Variants in GPC3 observed in about 807,000 individuals in gnomAD.
The protein encoded by GPC3 is glypican 3.
In GPC3, 3 loss-of-function variants were observed where a neutral mutation model predicts 34.4. The observed-to-expected ratio is 0.09, with a 90% CI of 0.04 to 0.23. The LOEUF is 0.23. Among genes scored for constraint, GPC3 ranks in the 10% least tolerant of loss-of-function variants. The pLI is 1.00. For synonymous variants in GPC3, 177 were observed against 174.0 expected, an observed-to-expected ratio of 1.02 and a Z score of -0.13; for missense variants, 351 against 445.6, an observed-to-expected ratio of 0.79 and a Z score of 1.91.
intron 4 of GPC3, among the ~76,000 whole-genome samples, chrX:133,698,927 A>G (rs551626981): frequency 8.9e-6 from 1 of 112,158 alleles, no homozygotes; most frequent in African/African-American, 3.2e-5. Context: ...CAGAGAATTC[A>G]CAAAGAAAGG....
intron 1 of GPC3, among the ~76,000 whole-genome samples, chrX:133,954,504 T>C (rs1393697699): frequency 1.8e-5 from 2 of 109,297 alleles, no homozygotes; most frequent in Non-Finnish European, 3.8e-5. Context: ...TTTTAATTTT[T>C]AAAAAGTAAA....
intron 2 of GPC3, chrX:133,762,823 A>G (rs2071808570): frequency 3.9e-6 from 2 of 514,782 alleles, no homozygotes; most frequent in Admixed American, 4.7e-5. Context: ...TGTCCTGCAA[A>G]TGAAATAGAA....
intron 6 of GPC3, among the ~76,000 whole-genome samples, chrX:133,638,986 T>C (rs1366856689): frequency 1.8e-5 from 2 of 111,560 alleles, no homozygotes; most frequent in Non-Finnish European, 3.8e-5. Context: ...GTCTAGACTT[T>C]TCCCTCAGGC....
At chrX:133,588,536 C>T (rs189627328) in intron 7 of GPC3, among the ~76,000 whole-genome samples, 61 of 110,860 alleles carry the variant, frequency 5.5e-4, no homozygotes, top group Admixed American at 1.9e-3. Flanking sequence ...TTTCCAATGA[C>T]CCTTTTCACC....
chrX:133,923,825 G>C (rs972929106), intron 2 of GPC3, among the ~76,000 whole-genome samples: 2 of 112,390 alleles, frequency 1.8e-5, no homozygotes, highest in African/African-American at 6.5e-5. Flanking sequence ...TATGAAAAAG[G>C]AACAGTCAAA....
At chrX:133,916,918 T>C (rs747763153) in intron 2 of GPC3, among the ~76,000 whole-genome samples, 1 of 110,975 alleles carries the variant, frequency 9.0e-6, no homozygotes, top group African/African-American at 3.3e-5. Flanking sequence ...ATAACCCCAA[T>C]GGAGCCAAAA....
At chrX:133,825,276 G>A (rs923628998) in intron 2 of GPC3, among the ~76,000 whole-genome samples, 1 of 112,104 alleles carries the variant, frequency 8.9e-6, no homozygotes, top group Admixed American at 9.5e-5. Context: ...ATTTTAACTT[G>A]CTCTAGGTCC....
chrX:133,788,102 A>T (rs989584983), intron 2 of GPC3, among the ~76,000 whole-genome samples: 1 of 87,188 alleles, frequency 1.1e-5, no homozygotes, highest in Admixed American at 1.2e-4. Context: ...ATATATATAT[A>T]TATATATATA....
intron 2 of GPC3, among the ~76,000 whole-genome samples, chrX:133,834,374 A>T (rs192509769): frequency 4.9e-4 from 55 of 111,928 alleles, no homozygotes; most frequent in East Asian, 4.2e-3. Flanking sequence ...GTAGAGAGAG[A>T]GTACTAAGAG....
At chrX:133,637,588 T>G (rs1297686142) in intron 6 of GPC3, among the ~76,000 whole-genome samples, 1 of 111,209 alleles carries the variant, frequency 9.0e-6, no homozygotes, top group Admixed American at 9.6e-5. Flanking sequence ...CAGAAGAAAA[T>G]TCTATTGGGG....
At chrX:133,934,615 G>T (rs1288037015) in intron 2 of GPC3, among the ~76,000 whole-genome samples, 1 of 110,087 alleles carries the variant, frequency 9.1e-6, no homozygotes, top group Non-Finnish European at 1.9e-5. Flanking sequence ...CAGGCTCAGG[G>T]GATCCCCTAC....
At chrX:133,675,890 T>C (rs2070879559) in intron 5 of GPC3, among the ~76,000 whole-genome samples, 1 of 112,640 alleles carries the variant, frequency 8.9e-6, no homozygotes, top group Non-Finnish European at 1.9e-5. Flanking sequence ...AGAACTTTAG[T>C]TGTTGGAGGT....
At chrX:133,557,109 C>A (rs988592720) in intron 7 of GPC3, among the ~76,000 whole-genome samples, 8 of 108,000 alleles carry the variant, frequency 7.4e-5, no homozygotes, top group African/African-American at 2.7e-4. Context: ...CTGGCTAACA[C>A]AGTGAAACCC....
At chrX:133,836,854 T>C (rs1249303921) in intron 2 of GPC3, among the ~76,000 whole-genome samples, 2 of 111,994 alleles carry the variant, frequency 1.8e-5, no homozygotes, top group African/African-American at 6.5e-5. Flanking sequence ...AGAGGCCATC[T>C]TGGCCCTAGT....
At position 133,934,482 on chromosome X, in the gene GPC3, A is replaced by G. The variant is rs768858043; in HGVS notation, c.337+18568T>C. Among the ~76,000 whole-genome samples the G allele has an allele frequency of 3.6e-5, 4 of 109,930 alleles. No individual in the cohort carries two copies. In the East Asian group the frequency reaches 1.1e-3, roughly 31 times the overall value. ...AGTGCTGGGATTACAGGTGTGAGCC[A>G]CCAAGACCAGCCAAACTTTATTTAT... is the stretch of plus-strand genomic sequence containing the variant. On this transcript the variant is annotated intron_variant, in intron 2 of 7. Coordinates refer to ENST00000370818, the MANE Select transcript of GPC3 (RefSeq NM_004484.4).
At chrX:133,772,217 A>AT (rs992159076) in intron 2 of GPC3, among the ~76,000 whole-genome samples, 4 of 110,650 alleles carry the variant, frequency 3.6e-5, no homozygotes, top group East Asian at 2.8e-4. Flanking sequence ...TATACAGTAC[A>AT]TTTTTTTTTA....
intron 2 of GPC3, among the ~76,000 whole-genome samples, chrX:133,847,308 T>TA (rs1432188585): frequency 1.4e-4 from 16 of 110,794 alleles, no homozygotes; most frequent in Non-Finnish European, 2.3e-4. Context: ...GATATCTTTT[T>TA]AAAAAAAAAT....
chrX:133,770,835 T>TA (rs1220376099), intron 2 of GPC3, among the ~76,000 whole-genome samples: 1 of 112,314 alleles, frequency 8.9e-6, no homozygotes, highest in Non-Finnish European at 1.9e-5. Flanking sequence ...ATCCACCTCG[T>TA]AGCAGGATTG....
At chrX:133,537,687 A>G (rs2069306915) in intron 7 of GPC3, among the ~76,000 whole-genome samples, 1 of 112,159 alleles carries the variant, frequency 8.9e-6, no homozygotes, top group African/African-American at 3.2e-5. Context: ...CTCCATTGAA[A>G]AAAGATATTT....
Sources: allele counts gnomAD v4.1 joint callset (sites outside exome capture counted in the v4.1 genomes callset), GRCh38; gene constraint gnomAD v4.1.1; transcripts MANE v1.5; gene names NCBI Gene and HGNC (gene_info 2026-07-23, HGNC 2026-07-21).